Variants in RNF213 observed in about 807,000 individuals in gnomAD.
The protein encoded by RNF213 is ring finger protein 213.
RNF213 carries 341 observed loss-of-function variants against 514.4 expected under a neutral mutation model. The ratio of observed to expected loss-of-function variants is 0.66; its 90% CI spans 0.61 to 0.73. RNF213 has a LOEUF of 0.73. Ranked by LOEUF, RNF213 falls within the 30% of genes least tolerant of loss-of-function variation. The pLI, the probability that RNF213 is intolerant of heterozygous loss-of-function variation, is 0.00. For missense variants in RNF213, 5,767 were observed against 6,615.6 expected (o/e 0.87, Z 4.45); for synonymous variants, 2,655 against 2,658.2 (o/e 1.00, Z 0.04).
chr17:80,276,093 T>TTTTATTTA (rs199905492), intron 3 of RNF213, among the ~76,000 whole-genome samples: 20 of 150,578 alleles, frequency 1.3e-4, no homozygotes, highest in East Asian at 9.8e-4. Context: ...TTATTTTTTG[T>TTTTATTTA]TTTATTTATT....
At chr17:80,357,411 C>T (rs958087301) in intron 36 of RNF213, among the ~76,000 whole-genome samples, 1 of 152,168 alleles carries the variant, frequency 6.6e-6, no homozygotes, top group African/African-American at 2.4e-5. Context: ...GCCCATCTAT[C>T]CATCCACCTG....
In RNF213 at chr17:80,294,864, G is replaced by A; in HGVS notation, c.1616G>A (p.Ser539Asn). The change falls in exon 9 of 68, where the codon AGC (serine) becomes AAC (asparagine). Residue 539 changes from serine to asparagine, a missense_variant. Physicochemically the swap from Ser to Asn is conservative, Grantham distance 46. This residue lies in a region of RNF213 where 592 missense variants were observed against 673.9 expected (regional missense o/e 0.88). Coordinates refer to ENST00000582970, the MANE Select transcript of RNF213 (RefSeq NM_001256071.3). Reference protein sequence around the residue: ...AAALMLDSTFSILQTWDTINL... With the variant: ...AAALMLDSTFNILQTWDTINL... The stretch of plus-strand genomic sequence containing the variant: ...GCGCTCATGCTGGACAGCACCTTCA[G>A]CATCCTGCAGACCTGGGACACCATC... 4 of 1,614,206 alleles carry A rather than the reference G, an allele frequency of 2.5e-6. No homozygotes were observed. The highest frequency in any genetic ancestry group is 3.4e-6 in the Non-Finnish European group (4 of 1,180,040).
chr17:80,363,861 C>T, intron 41 of RNF213, 71 bp downstream of exon 41: 1 of 1,460,796 alleles, frequency 6.8e-7, no homozygotes. Flanking sequence ...AAGTGCCAGG[C>T]ATGTCCATGA....
chr17:80,314,157 G>T (rs2045728387), intron 15 of RNF213, among the ~76,000 whole-genome samples: 2 of 125,950 alleles, frequency 1.6e-5, no homozygotes, highest in African/African-American at 6.7e-5. Context: ...GATGGTGGTG[G>T]TGTAGGTGAT....
intron 3 of RNF213, among the ~76,000 whole-genome samples, chr17:80,280,560 C>G (rs575103720): frequency 1.3e-5 from 2 of 152,102 alleles, no homozygotes; most frequent in South Asian, 4.2e-4. Context: ...CTCAAGCAAT[C>G]CTCGTGCCTC....
rs955595448 is a variant in RNF213, at chr17:80,281,959, C to T, written c.262-5856C>T. 4.6e-5 allele frequency among the ~76,000 whole-genome samples: 7 copies of T among 152,176 alleles called. No homozygotes were observed. In the South Asian group the frequency reaches 6.2e-4, roughly 14 times the overall value. ...GCAACCTCCGCCTCCTGGGTTCAAGCGAGTCCCCTGCCTCAGCCTCCCGAG... is the reference window on the plus strand; with the variant it reads ...GCAACCTCCGCCTCCTGGGTTCAAGTGAGTCCCCTGCCTCAGCCTCCCGAG... On this transcript the variant is annotated intron_variant, in intron 3 of 67. Transcript: ENST00000582970.
intron 25 of RNF213, among the ~76,000 whole-genome samples, chr17:80,338,714 C>T (rs1468109277): frequency 2.0e-5 from 3 of 151,588 alleles, no homozygotes; most frequent in Non-Finnish European, 4.4e-5. Flanking sequence ...TTTGGGAGGC[C>T]GAGGCGGGCC....
chr17:80,265,717 AT>A (rs1375822097), intron 2 of RNF213, among the ~76,000 whole-genome samples: 1 of 152,170 alleles, frequency 6.6e-6, no homozygotes, highest in African/African-American at 2.4e-5. Context: ...CTCTCACGCG[AT>A]TAGCTGAGTT....
intron 31 of RNF213, 146 bp downstream of exon 31, chr17:80,350,542 G>C: frequency 1.5e-6 from 1 of 666,600 alleles, no homozygotes; most frequent in South Asian, 1.7e-5. Context: ...ATTCCCCCAA[G>C]TGGGATTAGG....
rs765502583 is a variant in RNF213 at position 80,385,146 on chromosome 17, A to C, written c.14430A>C (p.Arg4810Ser). The part of the protein sequence containing the change: ...NVQQVEYSSI[R>S]GFLSKHSSDG... ...AGCAAGTTGAATACAGCTCCATCAG[A>C]GGCTTCCTCAGCAAGCACAGCTCAG... The change falls in exon 60 of 68, where the codon AGA becomes AGC. Residue 4810 changes from arginine to serine, a missense_variant. Arg to Ser is a moderately radical substitution (Grantham distance 110, BLOSUM62 -1). Around this residue, in one of 13 missense-constraint regions of RNF213, gnomAD observed 1,245 missense variants for 1,339.0 expected, o/e 0.93. Transcript: ENST00000582970. The C allele has an allele frequency of 2.2e-5, 35 of 1,614,044 alleles. No homozygotes were observed. Among genetic ancestry groups the C allele is most frequent in the East Asian group, 1.8e-4 (8 of 44,896 alleles).
In RNF213 at chr17:80,354,116, G is replaced by T. The variant is rs202119991; in HGVS notation, c.10676G>T (p.Arg3559Leu). ...DQNESCTRNM[R>L]RVVLLLGLLN... is the part of the protein sequence containing the mutation. The stretch of plus-strand genomic sequence containing the variant: ...AACGAGAGCTGCACGCGCAATATGC[G>T]GAGGGTGGTGCTCCTCCTGGGCCTC... Residue 3559 changes from arginine (R) to leucine (L), a missense_variant, in exon 35 of 68, where the codon CGG becomes CTG. Coordinates refer to ENST00000582970, the MANE Select transcript of RNF213 (RefSeq NM_001256071.3). 27 of 1,613,992 alleles carry T rather than the reference G, an allele frequency of 1.7e-5. No homozygotes were observed. The highest frequency in any genetic ancestry group is 2.7e-5 in the African/African-American group (2 of 74,938).
chr17:80,293,593 GC>G (rs1465015863), intron 8 of RNF213, among the ~76,000 whole-genome samples: 1 of 151,950 alleles, frequency 6.6e-6, no homozygotes, highest in Non-Finnish European at 1.5e-5. Flanking sequence ...GGAGGCCGAG[GC>G]GGGCGGATCA....
At chr17:80,327,776 G>A in intron 18 of RNF213, 40 bp from the exon 19 acceptor site, 2 of 1,487,648 alleles carry the variant, frequency 1.3e-6, no homozygotes, top group Non-Finnish European at 9.0e-7. Flanking sequence ...GGCAGGAGGT[G>A]GGGAGCCCAC....
intron 15 of RNF213, among the ~76,000 whole-genome samples, chr17:80,316,978 G>C (rs2045968323): frequency 6.6e-6 from 1 of 152,266 alleles, no homozygotes; most frequent in Non-Finnish European, 1.5e-5. Context: ...AGTGGCCCCT[G>C]GTTGGGTCTC....
chr17:80,351,726 A>C lies in RNF213; in HGVS notation c.10226A>C (p.Glu3409Ala). 1 of 1,611,818 alleles carries C rather than the reference A, an allele frequency of 6.2e-7. No homozygotes were observed. Among genetic ancestry groups the C allele is most frequent in the South Asian group, 1.1e-5 (1 of 90,944 alleles). ...GAAATCAACAAAATACGAGAAAATG[A>C]GGACCGTATCTTCGTCTATTTCATC... Reference protein sequence around the residue: ...INEINKIRENEDRIFVYFITK... With the variant: ...INEINKIRENADRIFVYFITK... Residue 3409 changes from glutamate (E) to alanine (A), a missense_variant, in exon 32 of 68, where the codon GAG becomes GCG. Physicochemically the swap from Glu to Ala is moderately radical, Grantham distance 107. Around this residue, in one of 13 missense-constraint regions of RNF213, gnomAD observed 919 missense variants for 1,121.0 expected, o/e 0.82. Transcript: ENST00000582970.
chr17:80,269,652 C>G (rs1567991239), intron 2 of RNF213, among the ~76,000 whole-genome samples: 1 of 151,980 alleles, frequency 6.6e-6, no homozygotes, highest in Non-Finnish European at 1.5e-5. Context: ...ATCTATTCAT[C>G]CATCAATCTA....
chr17:80,346,053 C>T lies in RNF213; in HGVS notation c.7718C>T (p.Pro2573Leu), dbSNP rs771921862. Residue 2573 changes from proline to leucine, a missense_variant, in exon 29 of 68, where the codon CCG becomes CTG. Physicochemically the swap from Pro to Leu is moderately conservative, Grantham distance 98. Transcript: ENST00000582970. The surrounding 1 kb of genome is among the most constrained non-coding windows in gnomAD (Gnocchi z 8.1). ...QLVYRVHALP[P>L]SLIPLVWDFG... ...GTATACCGGGTCCATGCTCTGCCCC[C>T]GAGCCTGATTCCTCTGGTGTGGGAC... The T allele has an allele frequency of 1.2e-5, 20 of 1,614,030 alleles. No homozygotes were observed. The highest frequency in any genetic ancestry group is 2.7e-5 in the African/African-American group (2 of 74,912).
At chr17:80,269,485 C>T (rs2043736911) in intron 2 of RNF213, among the ~76,000 whole-genome samples, 1 of 151,722 alleles carries the variant, frequency 6.6e-6, no homozygotes, top group South Asian at 2.1e-4. Flanking sequence ...TTCTATCTAT[C>T]CATCCATCCA....
chr17:80,270,501 T>C (rs74533354), intron 2 of RNF213, among the ~76,000 whole-genome samples: 2,899 of 152,328 alleles, frequency 0.019, 59 homozygotes, highest in East Asian at 0.11. Flanking sequence ...TAGATTTCTA[T>C]TCAGATTCTC....
Sources: allele counts gnomAD v4.1 joint callset (sites outside exome capture counted in the v4.1 genomes callset), GRCh38; gene constraint gnomAD v4.1.1; regional missense constraint gnomAD v4.1.1; non-coding constraint Gnocchi (gnomAD v3.1); transcripts MANE v1.5; gene names NCBI Gene and HGNC (gene_info 2026-07-23, HGNC 2026-07-21).